CBL: variants seen among roughly 807,000 people sequenced by gnomAD.
CBL encodes the protein Cbl proto-oncogene, also known as E3 ubiquitin-protein ligase CBL.
In CBL, 45 loss-of-function variants were observed where a neutral mutation model predicts 96.9. The ratio of observed to expected loss-of-function variants is 0.46; its 90% confidence interval spans 0.37 to 0.60. CBL has a LOEUF of 0.60. CBL is among the 20% of genes least tolerant of loss of function. The pLI, the probability that CBL is intolerant of heterozygous loss-of-function variation, is 0.00. For missense variants in CBL, 1,024 were observed against 1,143.5 expected (o/e 0.90, Z 1.51); for synonymous variants, 420 against 426.8 (o/e 0.98, Z 0.20).
At chr11:119,213,394 A>G (rs1444294941) in intron 1 of CBL, among the ~76,000 whole-genome samples, 2 of 152,192 alleles carry the variant, frequency 1.3e-5, no homozygotes, top group Non-Finnish European at 2.9e-5. Context: ...TATATAAGTG[A>G]TGTGACTATA....
At chr11:119,274,999 T>G (rs750348894) in intron 5 of CBL, 46 bp downstream of exon 5, 1 of 1,572,008 alleles carries the variant, frequency 6.4e-7, no homozygotes, top group Non-Finnish European at 8.7e-7. Context: ...AATTTCGTTA[T>G]CTTGAGACTT....
At chr11:119,274,772 GC>G in intron 4 of CBL, 59 bp from the exon 5 acceptor site, 2 of 1,324,354 alleles carry the variant, frequency 1.5e-6, no homozygotes, top group Non-Finnish European at 2.1e-6. Context: ...TTTTCTCATT[GC>G]CCTCTGAGTT....
rs923713635 is a variant in CBL, at chr11:119,304,216, A to C, written c.*4435A>C. ...AGCTCAATCTAAAATACTGTAACTC[A>C]GCATAAACTATTACTATCACTCCTT... On this transcript the variant is annotated 3_prime_UTR_variant, in exon 16 of 16. Transcript: ENST00000264033. The C allele has an allele frequency of 4.3e-6, 1 of 233,212 alleles. No homozygotes were observed. Among genetic ancestry groups the C allele is most frequent in the Non-Finnish European group, 8.5e-6 (1 of 118,078 alleles). 14.4% of individuals were successfully genotyped at this position (233,212 alleles called of 1,614,324 possible).
At chr11:119,289,795 T>C (rs915763901) in intron 12 of CBL, 1 of 152,174 alleles carries the variant, frequency 6.6e-6, no homozygotes, top group African/African-American at 2.4e-5. Flanking sequence ...CAGGTTGGAG[T>C]GCAAAGGCTC....
intron 2 of CBL, among the ~76,000 whole-genome samples, chr11:119,260,513 T>C (rs1314334061): frequency 6.6e-6 from 1 of 152,168 alleles, no homozygotes; most frequent in African/African-American, 2.4e-5. Flanking sequence ...GGGGATAATA[T>C]TGGAATCTGA....
At chr11:119,270,416 T>TA (rs1949835147) in intron 2 of CBL, among the ~76,000 whole-genome samples, 11 of 74,356 alleles carry the variant, frequency 1.5e-4, no homozygotes, top group Admixed American at 3.4e-4. Context: ...CAGCTAATTT[T>TA]TATATATATA....
intron 2 of CBL, among the ~76,000 whole-genome samples, chr11:119,270,239 A>G (rs1187567757): frequency 7.1e-6 from 1 of 140,854 alleles, no homozygotes; most frequent in Non-Finnish European, 1.5e-5. Flanking sequence ...ACTGTGTGAC[A>G]TCTTTTTTTT....
intron 2 of CBL, among the ~76,000 whole-genome samples, chr11:119,258,701 T>C (rs1949730420): frequency 6.6e-6 from 1 of 152,198 alleles, no homozygotes; most frequent in Non-Finnish European, 1.5e-5. Context: ...AATTTGATGT[T>C]GGGTAATGTC....
At chr11:119,257,183 C>T (rs932868690) in intron 2 of CBL, among the ~76,000 whole-genome samples, 1 of 152,240 alleles carries the variant, frequency 6.6e-6, no homozygotes, top group Non-Finnish European at 1.5e-5. Flanking sequence ...ATTTACTTCA[C>T]CACCAGCAGT....
At chr11:119,231,219 A>G (rs1176704169) in intron 1 of CBL, among the ~76,000 whole-genome samples, 3 of 152,084 alleles carry the variant, frequency 2.0e-5, no homozygotes, top group African/African-American at 7.2e-5. Context: ...CCTGGCCAAC[A>G]TGGCGAAACC....
chr11:119,208,176 A>G (rs11217183), intron 1 of CBL, among the ~76,000 whole-genome samples: 35,167 of 152,162 alleles, frequency 0.23, 4,327 homozygotes, highest in East Asian at 0.39. Flanking sequence ...TCCTTTAAAA[A>G]AAACACATCG....
intron 2 of CBL, among the ~76,000 whole-genome samples, chr11:119,270,241 CTTTTTTTTT>C (rs768214554): frequency 8.3e-6 from 1 of 119,818 alleles, no homozygotes; most frequent in Non-Finnish European, 1.7e-5. Flanking sequence ...TGTGTGACAT[CTTTTTTTTT>C]TTTTTTTTTT....
In CBL at chr11:119,220,823, T is replaced by C. The variant is rs549530611; in HGVS notation, c.196-11625T>C. ...AGAACCTGAATGGAGTTTTGAGAAA[T>C]CAAAAATTGAGAATAATAATTACAA... On this transcript the variant is annotated intron_variant, in intron 1 of 15. Coordinates refer to ENST00000264033, the MANE Select transcript of CBL (RefSeq NM_005188.4). Among the ~76,000 whole-genome samples, 10 of 152,212 alleles carry C rather than the reference T, an allele frequency of 6.6e-5. No homozygotes were observed. The South Asian group carries it at 2.1e-3, about 32-fold the overall frequency.
intron 2 of CBL, among the ~76,000 whole-genome samples, chr11:119,269,281 C>G (rs1949825916): frequency 7.4e-6 from 1 of 135,982 alleles, no homozygotes; most frequent in Non-Finnish European, 1.5e-5. Flanking sequence ...GAGTCTCACT[C>G]TGTCGTCCAG....
rs563022049 is a variant in CBL at position 119,230,561 on chromosome 11, A to G, written c.196-1887A>G. Among the ~76,000 whole-genome samples the G allele has an allele frequency of 7.0e-4, 107 of 152,382 alleles. No homozygotes were observed. In the South Asian group the frequency reaches 0.021, roughly 29 times the overall value. ...CTAATAGCAAGAAAACTTAGAAGACATAGAATTGTTATCAAGACAGTGAGA... is the reference window on the plus strand; with the variant it reads ...CTAATAGCAAGAAAACTTAGAAGACGTAGAATTGTTATCAAGACAGTGAGA... On this transcript the variant is annotated intron_variant, in intron 1 of 15. Transcript: ENST00000264033.
chr11:119,297,007 G>A lies in CBL; in HGVS notation c.2126G>A (p.Arg709Gln), dbSNP rs770667508. The change falls in exon 13 of 16, where the codon CGG becomes CAG. Residue 709 changes from arginine to glutamine, a missense_variant. Physicochemically the swap from Arg to Gln is conservative, Grantham distance 43 (BLOSUM62 1). This residue lies in a region of CBL where 695 missense variants were observed against 661.6 expected (regional missense o/e 1.05). Coordinates refer to ENST00000264033, the MANE Select transcript of CBL (RefSeq NM_005188.4). ...ATGACTCCCTCTTCCAGGCCTCTAC[G>A]GCCTTTGGATACATCCCAGAGTTCA... Reference protein sequence around the residue: ...EYMTPSSRPLRPLDTSQSSRA... With the variant: ...EYMTPSSRPLQPLDTSQSSRA... 3.6e-5 allele frequency: 57 copies of A among 1,600,368 alleles called. No individual in the cohort carries two copies. The highest frequency in any genetic ancestry group is 3.5e-4 in the Admixed American group (21 of 59,986).
intron 1 of CBL, among the ~76,000 whole-genome samples, chr11:119,207,604 G>T (rs888141265): frequency 6.6e-6 from 1 of 152,140 alleles, no homozygotes; most frequent in Non-Finnish European, 1.5e-5. Flanking sequence ...TTATAGTTGT[G>T]TCTATATGAT....
intron 3 of CBL, among the ~76,000 whole-genome samples, chr11:119,272,110 T>G (rs1949853251): frequency 6.6e-6 from 1 of 152,170 alleles, no homozygotes; most frequent in Non-Finnish European, 1.5e-5. Flanking sequence ...ACTCTTCCCT[T>G]TCTCTCCCCA....
At chr11:119,209,354 A>G (rs1457598476) in intron 1 of CBL, among the ~76,000 whole-genome samples, 2 of 152,208 alleles carry the variant, frequency 1.3e-5, no homozygotes, top group African/African-American at 4.8e-5. Context: ...CCCGTGGCTC[A>G]CGCTTGTAAT....
Sources: allele counts gnomAD v4.1 joint callset (sites outside exome capture counted in the v4.1 genomes callset), GRCh38; gene constraint gnomAD v4.1.1; regional missense constraint gnomAD v4.1.1; transcripts MANE v1.5; gene names NCBI Gene and HGNC (gene_info 2026-07-23, HGNC 2026-07-21).